Variants in DPYS observed in about 807,000 individuals in gnomAD.
DPYS encodes the protein dihydropyrimidine amidohydrolase.
Under a neutral mutation model 50.3 loss-of-function variants are expected in DPYS, and 39 were observed. That is an observed-to-expected ratio of 0.78 (90% CI 0.60 to 1.01). The LOEUF (loss-of-function observed/expected upper bound fraction) is 1.01, where lower values mean the gene tolerates loss of function less well. DPYS is among the 50% of genes least tolerant of loss of function. The pLI is 0.00. For missense variants in DPYS, 659 were observed against 680.9 expected (o/e 0.97, Z 0.36); for synonymous variants, 245 against 250.7 (o/e 0.98, Z 0.22).
chr8:104,447,532 A>G, intron 2 of DPYS, 29 bp from the exon 3 acceptor site: 2 of 1,608,194 alleles, frequency 1.2e-6, no homozygotes, highest in Non-Finnish European at 1.7e-6. Context: ...CATAACAACA[A>G]TATGTTACTC....
chr8:104,422,842 G>A (rs1812591331), intron 7 of DPYS, among the ~76,000 whole-genome samples: 1 of 152,160 alleles, frequency 6.6e-6, no homozygotes, highest in Admixed American at 6.5e-5. Context: ...CCCCTGCTGG[G>A]TGTACAGCAG....
At position 104,427,999 on chromosome 8, in the gene DPYS, A is replaced by G. The variant is rs546836470; in HGVS notation, c.1073T>C (p.Val358Ala). 15 of 1,614,184 alleles carry G rather than the reference A, an allele frequency of 9.3e-6. No homozygotes were observed. In the African/African-American group the frequency reaches 1.9e-4, roughly 20 times the overall value. ...ACCCACCACGCCTTTTTCCCATATTACGGACATCCGATCTTCAACACCATT... is the reference window on the plus strand; with the variant it reads ...ACCCACCACGCCTTTTTCCCATATTGCGGACATCCGATCTTCAACACCATT... ...GVNGVEDRMS[V>A]IWEKGVHSGK... The change falls in exon 6 of 10, where the codon GTA becomes GCA. Residue 358 changes from valine to alanine, a missense_variant. Physicochemically the swap from Val to Ala is moderately conservative, Grantham distance 64. Coordinates refer to ENST00000351513, the MANE Select transcript of DPYS (RefSeq NM_001385.3).
chr8:104,415,810 ATATAAT>A (rs796140453), intron 7 of DPYS, among the ~76,000 whole-genome samples: 11 of 152,282 alleles, frequency 7.2e-5, no homozygotes, highest in African/African-American at 2.6e-4. Flanking sequence ...TTTATATGAA[ATATAAT>A]TATAGTATCT....
chr8:104,410,233 T>C (rs1812129188), intron 7 of DPYS, among the ~76,000 whole-genome samples: 1 of 152,126 alleles, frequency 6.6e-6, no homozygotes, highest in African/African-American at 2.4e-5. Context: ...TTTGTTTGCT[T>C]TCATCTTGAC....
chr8:104,419,934 T>G (rs1430284560), intron 7 of DPYS: 3 of 152,246 alleles, frequency 2.0e-5, no homozygotes, highest in Admixed American at 1.3e-4. Context: ...ACCATACTAA[T>G]GTAAGATAAT....
At chr8:104,390,013 C>T (rs1438250896) in intron 8 of DPYS, among the ~76,000 whole-genome samples, 1 of 152,172 alleles carries the variant, frequency 6.6e-6, no homozygotes, top group Non-Finnish European at 1.5e-5. Flanking sequence ...TGCCTCAAAA[C>T]GTTTTCTCTA....
At chr8:104,440,980 C>T (rs573249572) in intron 4 of DPYS, among the ~76,000 whole-genome samples, 5 of 152,178 alleles carry the variant, frequency 3.3e-5, no homozygotes, top group Non-Finnish European at 5.9e-5. Context: ...CACAGTACTA[C>T]CCAGGGATCT....
chr8:104,455,992 TACC>T (rs1374481714), intron 1 of DPYS, among the ~76,000 whole-genome samples: 1 of 152,210 alleles, frequency 6.6e-6, no homozygotes, highest in Non-Finnish European at 1.5e-5. Flanking sequence ...TCAATGACAG[TACC>T]ACATGTATGA....
At chr8:104,450,148 A>AG (rs1261741193) in intron 2 of DPYS, among the ~76,000 whole-genome samples, 17 of 48,112 alleles carry the variant, frequency 3.5e-4, no homozygotes, top group South Asian at 8.1e-4. Context: ...AAAAGAAAGA[A>AG]GGAAGGGAGG....
Position 104,446,912 on chromosome 8 carries a change from C to T in DPYS, c.603+412G>A, listed in dbSNP as rs183081198. 5.3e-5 allele frequency among the ~76,000 whole-genome samples: 8 copies of T among 152,294 alleles called. No individual in the cohort carries two copies. In the East Asian group the frequency reaches 1.5e-3, roughly 29 times the overall value. ...CAGGGCTTTAAACAGCTACCTAATA[C>T]ACTGCTTAAGTCATCAGATGACACT... On this transcript the variant is annotated intron_variant, in intron 3 of 9. Transcript: ENST00000351513.
At chr8:104,402,792 T>C (rs1457979183) in intron 7 of DPYS, among the ~76,000 whole-genome samples, 1 of 152,196 alleles carries the variant, frequency 6.6e-6, no homozygotes, top group East Asian at 1.9e-4. Context: ...CTGGATTTCC[T>C]AGGCCAACTA....
intron 1 of DPYS, among the ~76,000 whole-genome samples, chr8:104,461,030 TC>T (rs1814139673): frequency 6.6e-6 from 1 of 150,920 alleles, no homozygotes. Context: ...ACACCTGTAA[TC>T]CCAGCACTTT....
chr8:104,407,082 T>C (rs75540147), intron 7 of DPYS, among the ~76,000 whole-genome samples: 2,427 of 152,370 alleles, frequency 0.016, 32 homozygotes, highest in Non-Finnish European at 0.023. Flanking sequence ...GGAGCTTCCA[T>C]TTACTGCATG....
chr8:104,420,348 A>T (rs1812501451), intron 7 of DPYS: 2 of 152,230 alleles, frequency 1.3e-5, no homozygotes, highest in Non-Finnish European at 2.9e-5. Context: ...CCAGGCCAAG[A>T]ATAGAGAAAG....
chr8:104,390,369 G>C (rs1811348637), intron 8 of DPYS, among the ~76,000 whole-genome samples: 1 of 152,086 alleles, frequency 6.6e-6, no homozygotes, highest in Non-Finnish European at 1.5e-5. Flanking sequence ...ATAATTTACA[G>C]CATCTATTAT....
intron 8 of DPYS, among the ~76,000 whole-genome samples, chr8:104,389,806 T>C (rs962984397): frequency 6.6e-6 from 1 of 152,176 alleles, no homozygotes; most frequent in African/African-American, 2.4e-5. Flanking sequence ...TAACTATCAT[T>C]TATTGGTATT....
chr8:104,438,446 T>G (rs1813227989), intron 4 of DPYS, among the ~76,000 whole-genome samples: 1 of 152,156 alleles, frequency 6.6e-6, no homozygotes, highest in Non-Finnish European at 1.5e-5. Flanking sequence ...AAATAAGGCA[T>G]GCTTTTGAGT....
At chr8:104,458,651 T>G (rs1814013142) in intron 1 of DPYS, among the ~76,000 whole-genome samples, 1 of 152,170 alleles carries the variant, frequency 6.6e-6, no homozygotes, top group African/African-American at 2.4e-5. Context: ...TCCCTAAAAG[T>G]CACGAGATGG....
intron 8 of DPYS, among the ~76,000 whole-genome samples, chr8:104,391,934 A>C (rs950142681): frequency 1.2e-4 from 18 of 152,086 alleles, no homozygotes; most frequent in Admixed American, 6.5e-5. Flanking sequence ...TTAAAAAAAA[A>C]CCCATTTGAG....
Sources: gnomAD v4.1 joint callset for allele counts (sites outside exome capture counted in the v4.1 genomes callset) on GRCh38, gnomAD v4.1.1 for gene constraint, MANE v1.5 for transcripts, NCBI Gene and HGNC (gene_info 2026-07-23, HGNC 2026-07-21) for gene names.